The following PKHD1 variants were observed in gnomAD, a reference collection of about 807,000 sequenced individuals.
PKHD1 encodes fibrocystin.
A neutral mutation model predicts 412.0 loss-of-function variants in PKHD1; 291 were observed. The observed-to-expected ratio is 0.71, with a 90% confidence interval of 0.64 to 0.78. The LOEUF is 0.78. PKHD1 is among the 30% of genes least tolerant of loss of function. The probability of loss-of-function intolerance (pLI) is 0.00; values close to 1 mark genes in which losing one functional copy is unlikely to be tolerated. For synonymous variants in PKHD1, 1,777 were observed against 1,821.5 expected (o/e 0.98, Z 0.62); for missense variants, 4,825 against 4,950.7 (o/e 0.97, Z 0.76).
chr6:51,735,500 G>A (rs1562193357), intron 60 of PKHD1, among the ~76,000 whole-genome samples: 1 of 152,156 alleles, frequency 6.6e-6, no homozygotes, highest in Admixed American at 6.5e-5. Flanking sequence ...TCTCAGTTTT[G>A]TTTGTTCTGT....
At chr6:51,899,796 C>A (rs147957175) in intron 43 of PKHD1, among the ~76,000 whole-genome samples, 1 of 152,056 alleles carries the variant, frequency 6.6e-6, no homozygotes, top group African/African-American at 2.4e-5. Context: ...ATCTCCATAA[C>A]CTGATAAGCA....
intron 35 of PKHD1, among the ~76,000 whole-genome samples, chr6:52,000,506 A>G (rs976948355): frequency 1.3e-5 from 2 of 152,252 alleles, no homozygotes; most frequent in Admixed American, 6.5e-5. Flanking sequence ...TTAGAAAAAA[A>G]TAATTTCAAT....
intron 11 of PKHD1, 25 bp from the exon 12 acceptor site, chr6:52,066,102 AGTAAGCTTCC>A: frequency 1.8e-6 from 2 of 1,104,254 alleles, no homozygotes; most frequent in Non-Finnish European, 2.8e-6. Context: ...AAAAAAAAAA[AGTAAGCTTCC>A]AAATATAGAC....
intron 65 of PKHD1, among the ~76,000 whole-genome samples, chr6:51,630,277 A>G (rs1767767284): frequency 1.3e-5 from 2 of 152,300 alleles, no homozygotes; most frequent in African/African-American, 2.4e-5. Flanking sequence ...CTTTTCTACA[A>G]TGTATCTGAC....
rs1173514517 is a variant in PKHD1 at position 51,632,800 on chromosome 6, TA to T, written c.11507-78del. 24 of 1,144,256 alleles carry T rather than the reference TA, an allele frequency of 2.1e-5. No individual in the cohort carries two copies. In the East Asian group the frequency reaches 5.1e-4, roughly 25 times the overall value. The allele number at this position is 1,144,256 out of a possible 1,614,324, so 70.9% of individuals were successfully genotyped here. A position where few individuals can be genotyped will look rare whatever the true frequency, so the allele number is the denominator to read the frequency against. On this transcript the variant is annotated intron_variant, in intron 64 of 66. Transcript: ENST00000371117. The stretch of plus-strand genomic sequence containing the variant: ...ATAATTAAAATATGGTAAAAATAAA[TA>T]CATTCATAATAGTATCTGGGATATA...
chr6:52,077,470 C>G lies in PKHD1; in HGVS notation c.391-1137G>C, dbSNP rs375257577. ...CCATTCCACACAACCTACAGTGCTT[C>G]CCATTTGCAAAACAAATTACAGCAG... On this transcript the variant is annotated intron_variant, in intron 5 of 66. Coordinates refer to ENST00000371117, the MANE Select transcript of PKHD1 (RefSeq NM_138694.4). Among the ~76,000 whole-genome samples the G allele has an allele frequency of 2.0e-4, 31 of 152,274 alleles. No individual in the cohort carries two copies. In the South Asian group the frequency reaches 6.2e-3, roughly 31 times the overall value.
At chr6:52,016,007 T>C (rs1000862278) in intron 34 of PKHD1, among the ~76,000 whole-genome samples, 1 of 152,072 alleles carries the variant, frequency 6.6e-6, no homozygotes, top group African/African-American at 2.4e-5. Context: ...AAGAAGAGTT[T>C]TGGGGATTCA....
chr6:51,677,937 G>A (rs1365097015), intron 60 of PKHD1, among the ~76,000 whole-genome samples: 1 of 152,010 alleles, frequency 6.6e-6, no homozygotes, highest in Non-Finnish European at 1.5e-5. Flanking sequence ...TTTTATAATT[G>A]TTTTACTAGG....
intron 20 of PKHD1, among the ~76,000 whole-genome samples, chr6:52,053,684 T>C (rs184526394): frequency 6.6e-6 from 1 of 152,268 alleles, no homozygotes; most frequent in Admixed American, 6.5e-5. Context: ...ACAGCTGAAT[T>C]TTATTCCAGG....
At chr6:52,027,279 C>T (rs1802339512) in intron 31 of PKHD1, among the ~76,000 whole-genome samples, 1 of 150,744 alleles carries the variant, frequency 6.6e-6, no homozygotes, top group African/African-American at 2.4e-5. Context: ...TGCCTGTAAT[C>T]CCAGCACTTT....
rs1213188447 is a variant in PKHD1, at chr6:52,082,507, A to G, written c.166T>C (p.Ser56Pro). ...ELGVLYPNNG[S>P]QLEIHLVNVN... ...TTCACCAGGTGTATCTCCAATTGAG[A>G]GCCATTGTTGGGGTAAAGAACACCC... Residue 56 changes from serine to proline, a missense_variant, in exon 4 of 67, where the codon TCT becomes CCT. Coordinates refer to ENST00000371117, the MANE Select transcript of PKHD1 (RefSeq NM_138694.4). 3.0e-5 allele frequency: 48 copies of G among 1,613,994 alleles called. No individual in the cohort carries two copies. Among genetic ancestry groups the G allele is most frequent in the Non-Finnish European group, 4.0e-5 (47 of 1,179,966 alleles).
At chr6:51,843,433 C>A (rs980230973) in intron 50 of PKHD1, among the ~76,000 whole-genome samples, 1 of 152,068 alleles carries the variant, frequency 6.6e-6, no homozygotes, top group Non-Finnish European at 1.5e-5. Flanking sequence ...TATTTCATAG[C>A]GTTAATGTAA....
intron 27 of PKHD1, among the ~76,000 whole-genome samples, chr6:52,038,468 G>T (rs1323651530): frequency 6.6e-6 from 1 of 151,928 alleles, no homozygotes; most frequent in Non-Finnish European, 1.5e-5. Flanking sequence ...TGAAGGCAGA[G>T]ATTGGGGTGG....
chr6:52,043,619 T>C lies in PKHD1; in HGVS notation c.2821+6A>G. 6.3e-7 allele frequency: 1 copy of C among 1,596,460 alleles called. No individual in the cohort carries two copies. The highest frequency in any genetic ancestry group is 8.6e-7 in the Non-Finnish European group (1 of 1,164,136). On this transcript the variant is annotated splice_donor_region_variant and intron_variant, in intron 26 of 66. Coordinates refer to ENST00000371117, the MANE Select transcript of PKHD1 (RefSeq NM_138694.4). ...GCCCATCTCAGAGCCAAGTGACAAA[T>C]CATACCAATGGAGTACCACACAGAA... is the stretch of plus-strand genomic sequence containing the variant.
chr6:52,084,775 TA>T, intron 2 of PKHD1, 106 bp downstream of exon 2: 1 of 799,330 alleles, frequency 1.3e-6, no homozygotes, highest in Non-Finnish European at 2.3e-6. Context: ...TAAAAATGCA[TA>T]TATTTATGGT....
At chr6:51,956,211 A>C (rs1791098410) in intron 36 of PKHD1, among the ~76,000 whole-genome samples, 1 of 152,016 alleles carries the variant, frequency 6.6e-6, no homozygotes, top group Non-Finnish European at 1.5e-5. Context: ...CATAATATGC[A>C]AATATATATA....
At chr6:51,752,971 C>A (rs1786341301) in intron 57 of PKHD1, among the ~76,000 whole-genome samples, 1 of 152,146 alleles carries the variant, frequency 6.6e-6, no homozygotes, top group Non-Finnish European at 1.5e-5. Context: ...AAGATGTTTT[C>A]TTTGAGGTAA....
chr6:52,078,351 G>A (rs1375614920), intron 5 of PKHD1, among the ~76,000 whole-genome samples: 4 of 152,128 alleles, frequency 2.6e-5, no homozygotes, highest in Non-Finnish European at 5.9e-5. Flanking sequence ...GCCCCAGTGT[G>A]GTCAGTAGAA....
At chr6:51,871,724 T>C (rs1776009394) in intron 46 of PKHD1, among the ~76,000 whole-genome samples, 1 of 118,882 alleles carries the variant, frequency 8.4e-6, no homozygotes, top group East Asian at 1.9e-4. Context: ...ACAATAAGTG[T>C]TTTCATGATT....
Sources: allele counts gnomAD v4.1 joint callset (sites outside exome capture counted in the v4.1 genomes callset), GRCh38; gene constraint gnomAD v4.1.1; transcripts MANE v1.5; gene names NCBI Gene and HGNC (gene_info 2026-07-23, HGNC 2026-07-21).